The following SV2B variants were observed in gnomAD, a reference collection of about 807,000 sequenced individuals.
The protein encoded by SV2B is solute carrier family 22 member B2.
Under a neutral mutation model 73.9 loss-of-function variants are expected in SV2B, and 41 were observed. The observed-to-expected ratio is 0.56, with a 90% CI of 0.43 to 0.72. The LOEUF (loss-of-function observed/expected upper bound fraction) is 0.72. SV2B is among the 30% of genes least tolerant of loss of function. SV2B has a pLI of 0.00. For synonymous variants in SV2B, 314 were observed against 314.2 expected, an observed-to-expected ratio of 1.00 and a Z score of 0.01; for missense variants, 764 against 857.8, an observed-to-expected ratio of 0.89 and a Z score of 1.37.
rs183961379 is a variant in SV2B, at chr15:91,110,652, G to A, written c.-392+10289G>A. 1.8e-3 allele frequency among the ~76,000 whole-genome samples: 271 copies of A among 152,294 alleles called. 1 individual carries two copies. Among genetic ancestry groups the A allele is most frequent in the Admixed American group, 3.0e-3 (46 of 15,296 alleles). On this transcript the variant is annotated intron_variant, in intron 1 of 12. Coordinates refer to ENST00000394232, the MANE Select transcript of SV2B (RefSeq NM_001323032.3). The surrounding 1 kb of genome is among the most constrained non-coding windows in gnomAD (Gnocchi z 5.4). ...GCGGGAGAGGAAGAGGCACCGTGGG[G>A]TGGCCTGCCCTAGGCAAAGTGCTGG...
chr15:91,163,678 G>C (rs1017324550), intron 1 of SV2B, among the ~76,000 whole-genome samples: 3 of 152,074 alleles, frequency 2.0e-5, no homozygotes, highest in Non-Finnish European at 4.4e-5. Flanking sequence ...TTGTCGGATG[G>C]GTAGATTGTG....
chr15:91,253,454 C>T lies in SV2B; in HGVS notation c.784+934C>T, dbSNP rs923836014. On this transcript the variant is annotated intron_variant, in intron 4 of 12. Transcript: ENST00000394232. The surrounding 1 kb of genome is among the most constrained non-coding windows in gnomAD (Gnocchi z 5.0). ...GCATGTATATGTTTTTAAGAACAAG[C>T]TTTGGTTTAGACAGTACCTACTGTA... is the stretch of plus-strand genomic sequence containing the variant. Among the ~76,000 whole-genome samples the T allele has an allele frequency of 6.6e-6, 1 of 152,188 alleles. No homozygotes were observed. Among genetic ancestry groups the T allele is most frequent in the Non-Finnish European group, 1.5e-5 (1 of 68,028 alleles).
chr15:91,191,087 C>T (rs1307412648), intron 1 of SV2B, among the ~76,000 whole-genome samples: 8 of 44,916 alleles, frequency 1.8e-4, no homozygotes, highest in African/African-American at 3.1e-4. Context: ...TTTTTTTTGA[C>T]AGAGTCTTGC....
At chr15:91,101,055 C>T (rs1304675711) in intron 1 of SV2B, among the ~76,000 whole-genome samples, 2 of 152,208 alleles carry the variant, frequency 1.3e-5, no homozygotes, top group Admixed American at 1.3e-4. Context: ...ATGAAATACA[C>T]TCCTTTATCC....
At chr15:91,190,687 T>C (rs536856957) in intron 1 of SV2B, among the ~76,000 whole-genome samples, 3 of 152,364 alleles carry the variant, frequency 2.0e-5, no homozygotes, top group Admixed American at 1.3e-4. Flanking sequence ...ATAATCTCTA[T>C]GAAGCTTCTG....
chr15:91,289,507 A>T lies in SV2B; in HGVS notation c.1709-14A>T. 1 of 1,614,120 alleles carries T rather than the reference A, an allele frequency of 6.2e-7. No individual in the cohort carries two copies. The highest frequency in any genetic ancestry group is 8.5e-7 in the Non-Finnish European group (1 of 1,180,010). On this transcript the variant is annotated splice_polypyrimidine_tract_variant and intron_variant, in intron 11 of 12. Coordinates refer to ENST00000394232, the MANE Select transcript of SV2B (RefSeq NM_001323032.3). This position sits in a 1 kb window ranked among gnomAD's most constrained non-coding sequence, Gnocchi z 4.9. ...GGCCTCATGTTTCTTTTTGCCCTTG[A>T]ACTCCCTCTGCAGGTGGCTCCATGC...
chr15:91,271,009 CGGTGAGTCCTGTGGATGATCGGA>C (rs2048293002), intron 9 of SV2B, among the ~76,000 whole-genome samples: 1 of 144,164 alleles, frequency 6.9e-6, no homozygotes, highest in East Asian at 2.0e-4. Context: ...GATGGGAGGA[CGGTGAGTCCTGTGGATGATCGGA>C]GGACGGTGAG....
intron 1 of SV2B, among the ~76,000 whole-genome samples, chr15:91,152,123 A>T (rs1456300608): frequency 1.3e-5 from 2 of 148,604 alleles, no homozygotes; most frequent in African/African-American, 5.1e-5. Context: ...TATTGCAAAG[A>T]GCAAAAGAGC....
chr15:91,141,209 A>G lies in SV2B; in HGVS notation c.-392+40846A>G, dbSNP rs1358292497. The stretch of plus-strand genomic sequence containing the variant: ...CTGCATTGAGGCCTGAGAAACTCCA[A>G]TTTTGGCAGGGTTCTTAGGGGATTT... On this transcript the variant is annotated intron_variant, in intron 1 of 12. Coordinates refer to ENST00000394232, the MANE Select transcript of SV2B (RefSeq NM_001323032.3). This position sits in a 1 kb window ranked among gnomAD's most constrained non-coding sequence, Gnocchi z 4.6. Among the ~76,000 whole-genome samples the G allele has an allele frequency of 6.6e-6, 1 of 152,142 alleles. No homozygotes were observed. The highest frequency in any genetic ancestry group is 1.9e-4 in the East Asian group (1 of 5,184).
intron 1 of SV2B, among the ~76,000 whole-genome samples, chr15:91,156,760 A>G (rs922151289): frequency 4.6e-5 from 7 of 152,222 alleles, no homozygotes; most frequent in African/African-American, 1.7e-4. Flanking sequence ...GTAACTCAAT[A>G]TCACCTGCCT....
At chr15:91,101,471 A>T (rs1336776803) in intron 1 of SV2B, among the ~76,000 whole-genome samples, 1 of 152,022 alleles carries the variant, frequency 6.6e-6, no homozygotes, top group Non-Finnish European at 1.5e-5. Context: ...GTCCTTGGGG[A>T]TGCAGAGATG....
At chr15:91,135,192 T>C (rs2141167733) in intron 1 of SV2B, among the ~76,000 whole-genome samples, 1 of 152,282 alleles carries the variant, frequency 6.6e-6, no homozygotes, top group East Asian at 1.9e-4. Flanking sequence ...TATCTTTTTA[T>C]GTACTGTGGC....
At chr15:91,135,685 C>G (rs1176319853) in intron 1 of SV2B, among the ~76,000 whole-genome samples, 1 of 152,200 alleles carries the variant, frequency 6.6e-6, no homozygotes, top group Non-Finnish European at 1.5e-5. Flanking sequence ...GTAGAAGGAA[C>G]CAGCGTTTAC....
chr15:91,192,234 T>C (rs1006455809), intron 1 of SV2B, among the ~76,000 whole-genome samples: 1 of 152,258 alleles, frequency 6.6e-6, no homozygotes, highest in African/African-American at 2.4e-5. Flanking sequence ...TCCTAAAAAT[T>C]ATTTTCAAAG....
rs2048182348 is a variant in SV2B at position 91,268,501 on chromosome 15, C to T, written c.1269C>T (p.Tyr423=). ...DMIRYFQDEE[Y]KSKMKVFFGE... is the part of the protein sequence containing the mutation. ...TCCGCTATTTTCAAGATGAAGAATA[C>T]AAGTCTAAAATGAAGGTGTTTTTTG... The change falls in exon 9 of 13, where the codon TAC becomes TAT. Residue 423 remains tyrosine (Y), a synonymous_variant. Coordinates refer to ENST00000394232, the MANE Select transcript of SV2B (RefSeq NM_001323032.3). This position sits in a 1 kb window ranked among gnomAD's most constrained non-coding sequence, Gnocchi z 4.4. 6.2e-7 allele frequency: 1 copy of T among 1,614,054 alleles called. No individual in the cohort carries two copies. The highest frequency in any genetic ancestry group is 8.5e-7 in the Non-Finnish European group (1 of 1,179,954).
chr15:91,278,678 C>CAAAAA (rs746732650), intron 9 of SV2B, among the ~76,000 whole-genome samples: 4,060 of 42,068 alleles, frequency 0.097, 262 homozygotes, highest in Non-Finnish European at 0.14. Context: ...GACTCCGTCT[C>CAAAAA]AAAAAAAAAA....
chr15:91,203,384 G>A (rs926933243), intron 1 of SV2B, among the ~76,000 whole-genome samples: 1 of 152,238 alleles, frequency 6.6e-6, no homozygotes. Context: ...AAATGAAAAG[G>A]CAGGGATTCC....
intron 1 of SV2B, among the ~76,000 whole-genome samples, chr15:91,151,876 T>C (rs946503221): frequency 6.6e-6 from 1 of 152,212 alleles, no homozygotes; most frequent in African/African-American, 2.4e-5. Context: ...TGATAGTCAC[T>C]GATTTTAGAT....
At chr15:91,166,368 A>T (rs1003896109) in intron 1 of SV2B, among the ~76,000 whole-genome samples, 1 of 152,000 alleles carries the variant, frequency 6.6e-6, no homozygotes, top group African/African-American at 2.4e-5. Flanking sequence ...TATTTTAAAT[A>T]TAATTATATA....
Sources: gnomAD v4.1 joint callset for allele counts (sites outside exome capture counted in the v4.1 genomes callset) on GRCh38, gnomAD v4.1.1 for gene constraint, Gnocchi (gnomAD v3.1) non-coding constraint, MANE v1.5 for transcripts, NCBI Gene and HGNC (gene_info 2026-07-23, HGNC 2026-07-21) for gene names.